MACROD2: variants seen among roughly 807,000 people sequenced by gnomAD.
The protein encoded by MACROD2 is mono-ADP ribosylhydrolase 2, also known as ADP-ribose glycohydrolase MACROD2.
Under a neutral mutation model 70.4 loss-of-function variants are expected in MACROD2, and 36 were observed. That is an observed-to-expected ratio of 0.51 (90% CI 0.39 to 0.68). The LOEUF is 0.68. Ranked by LOEUF, MACROD2 falls within the 30% of genes least tolerant of loss-of-function variation. The probability of loss-of-function intolerance (pLI) is 0.00; values close to 1 mark genes in which losing one functional copy is unlikely to be tolerated. For missense variants in MACROD2, 496 were observed against 538.4 expected (o/e 0.92, Z 0.78); for synonymous variants, 172 against 178.8 (o/e 0.96, Z 0.30).
intron 8 of MACROD2, among the ~76,000 whole-genome samples, chr20:15,818,332 G>C (rs1265256515): frequency 6.6e-6 from 1 of 152,192 alleles, no homozygotes; most frequent in Non-Finnish European, 1.5e-5. Context: ...TTATTCGTGA[G>C]TTTCCTGGGA....
At chr20:15,648,006 G>A (rs2049578597) in intron 8 of MACROD2, among the ~76,000 whole-genome samples, 1 of 152,136 alleles carries the variant, frequency 6.6e-6, no homozygotes, top group African/African-American at 2.4e-5. Context: ...TTACAGGCAT[G>A]AGCCACTGTG....
chr20:14,338,185 T>G (rs918364350), intron 3 of MACROD2, among the ~76,000 whole-genome samples: 23 of 152,162 alleles, frequency 1.5e-4, no homozygotes, highest in Non-Finnish European at 4.4e-5. Context: ...GAGGATCACC[T>G]GAGGTCAGGA....
intron 5 of MACROD2, among the ~76,000 whole-genome samples, chr20:15,109,135 G>T (rs889061120): frequency 8.5e-5 from 13 of 152,174 alleles, no homozygotes; most frequent in African/African-American, 3.1e-4. Context: ...TCATGACAGA[G>T]ACCATCTGGT....
chr20:15,347,370 T>C (rs973089449), intron 6 of MACROD2, among the ~76,000 whole-genome samples: 3 of 152,178 alleles, frequency 2.0e-5, no homozygotes, highest in Non-Finnish European at 2.9e-5. Flanking sequence ...AAGCACTTTG[T>C]ACTCACTATA....
intron 5 of MACROD2, among the ~76,000 whole-genome samples, chr20:15,201,762 TGC>T (rs2076658134): frequency 6.6e-6 from 1 of 152,240 alleles, no homozygotes; most frequent in Non-Finnish European, 1.5e-5. Flanking sequence ...CTCTGATGTC[TGC>T]ATTTGCACAA....
intron 5 of MACROD2, among the ~76,000 whole-genome samples, chr20:14,751,780 T>C (rs2071874188): frequency 6.6e-6 from 1 of 152,110 alleles, no homozygotes; most frequent in Non-Finnish European, 1.5e-5. Context: ...ACAAGTCACT[T>C]GAACAAAAGA....
chr20:14,206,097 G>T (rs918042546), intron 3 of MACROD2, among the ~76,000 whole-genome samples: 1 of 152,140 alleles, frequency 6.6e-6, no homozygotes, highest in South Asian at 2.1e-4. Context: ...TAGCAATGTC[G>T]GGGGGTGGGA....
At chr20:14,467,580 C>T (rs1294271777) in intron 3 of MACROD2, among the ~76,000 whole-genome samples, 1 of 152,060 alleles carries the variant, frequency 6.6e-6, no homozygotes, top group Non-Finnish European at 1.5e-5. Context: ...TGAGGTGAAC[C>T]CGGTTGGAAA....
chr20:15,292,524 C>T, intron 6 of MACROD2, among the ~76,000 whole-genome samples: 1 of 152,098 alleles, frequency 6.6e-6, no homozygotes, highest in East Asian at 1.9e-4. Flanking sequence ...GGGGACACAG[C>T]CAAACCCTAT....
chr20:14,534,408 G>A (rs2085340732), intron 4 of MACROD2, among the ~76,000 whole-genome samples: 1 of 152,170 alleles, frequency 6.6e-6, no homozygotes, highest in Admixed American at 6.6e-5. Flanking sequence ...TATGTATTAT[G>A]TTCTTACTTT....
At chr20:14,458,255 AATT>A (rs1416651523) in intron 3 of MACROD2, among the ~76,000 whole-genome samples, 1 of 152,172 alleles carries the variant, frequency 6.6e-6, no homozygotes, top group East Asian at 1.9e-4. Flanking sequence ...TTAACTTTCC[AATT>A]ATTGAAATAT....
At chr20:14,017,641 T>A (rs772705812) in intron 2 of MACROD2, among the ~76,000 whole-genome samples, 2 of 152,138 alleles carry the variant, frequency 1.3e-5, no homozygotes, top group Non-Finnish European at 2.9e-5. Flanking sequence ...CATCCTTGTA[T>A]TCTGGGAGTA....
intron 3 of MACROD2, among the ~76,000 whole-genome samples, chr20:14,120,994 C>T (rs2054581554): frequency 6.6e-6 from 1 of 151,772 alleles, no homozygotes. Flanking sequence ...TGTAACAAAC[C>T]TGCACGTTCT....
intron 3 of MACROD2, among the ~76,000 whole-genome samples, chr20:14,302,419 G>C (rs934954584): frequency 1.3e-5 from 2 of 152,122 alleles, no homozygotes; most frequent in Non-Finnish European, 2.9e-5. Context: ...TGTTATAAAA[G>C]AGTGAAAATC....
intron 6 of MACROD2, among the ~76,000 whole-genome samples, chr20:15,427,237 G>T (rs1189110907): frequency 6.6e-6 from 1 of 152,158 alleles, no homozygotes; most frequent in Non-Finnish European, 1.5e-5. Flanking sequence ...TCAAGGCAAC[G>T]ATGTCATTTC....
chr20:14,234,712 A>G (rs1450146773), intron 3 of MACROD2, among the ~76,000 whole-genome samples: 3 of 152,170 alleles, frequency 2.0e-5, no homozygotes, highest in South Asian at 2.1e-4. Context: ...ATGCACACCC[A>G]TCACAAACAG....
chr20:14,974,340 G>T (rs903773511), intron 5 of MACROD2, among the ~76,000 whole-genome samples: 1 of 152,168 alleles, frequency 6.6e-6, no homozygotes, highest in Non-Finnish European at 1.5e-5. Context: ...TTGAATATGG[G>T]TCACCATAAA....
At chr20:15,913,858 T>A (rs951856179) in intron 10 of MACROD2, among the ~76,000 whole-genome samples, 15 of 152,236 alleles carry the variant, frequency 9.9e-5, no homozygotes, top group East Asian at 3.8e-4. Flanking sequence ...CAGCATTTTT[T>A]AAATACTAGG....
chr20:15,087,696 T>A (rs2075759185), intron 5 of MACROD2, among the ~76,000 whole-genome samples: 1 of 152,014 alleles, frequency 6.6e-6, no homozygotes, highest in Non-Finnish European at 1.5e-5. Context: ...CGATACATAT[T>A]TGACTGTTTA....
Sources: gnomAD v4.1 joint callset for allele counts (sites outside exome capture counted in the v4.1 genomes callset) on GRCh38, gnomAD v4.1.1 for gene constraint, MANE v1.5 for transcripts, NCBI Gene and HGNC (gene_info 2026-07-23, HGNC 2026-07-21) for gene names.